Variants in MCTP1 observed in about 807,000 individuals in gnomAD.
The protein encoded by MCTP1 is multiple C2 and transmembrane domain-containing protein 1.
MCTP1 carries 69 observed loss-of-function variants against 120.6 expected under a neutral mutation model. The observed-to-expected ratio is 0.57, with a 90% CI of 0.47 to 0.70. MCTP1 has a LOEUF of 0.70. MCTP1 is among the 30% of genes least tolerant of loss of function. The pLI, the probability that MCTP1 is intolerant of heterozygous loss-of-function variation, is 0.00. For synonymous variants in MCTP1, 529 were observed against 493.1 expected (o/e 1.07, Z -0.96); for missense variants, 1,203 against 1,248.8 (o/e 0.96, Z 0.55).
Position 94,854,122 on chromosome 5 carries a change from A to C in MCTP1, c.2436+14211T>G, listed in dbSNP as rs10066694. Among the ~76,000 whole-genome samples the C allele has an allele frequency of 4.9e-3, 743 of 151,994 alleles. 5 individuals are homozygous for C. The highest frequency in any genetic ancestry group is 0.017 in the African/African-American group (720 of 41,530). ...CTAGAGACACTTCATCTGTTGCATAATGGGCCTTTACCATAGATTATTTCT... is the reference window on the plus strand; with the variant it reads ...CTAGAGACACTTCATCTGTTGCATACTGGGCCTTTACCATAGATTATTTCT... On this transcript the variant is annotated intron_variant, in intron 17 of 22. Transcript: ENST00000515393.
At chr5:95,271,338 C>G (rs1462423258) in intron 1 of MCTP1, among the ~76,000 whole-genome samples, 1 of 152,188 alleles carries the variant, frequency 6.6e-6, no homozygotes, top group Non-Finnish European at 1.5e-5. Context: ...TCTGCTGTCT[C>G]AGATCCATTT....
At chr5:94,977,762 A>G (rs1016038177) in intron 2 of MCTP1, among the ~76,000 whole-genome samples, 3 of 152,190 alleles carry the variant, frequency 2.0e-5, no homozygotes, top group African/African-American at 7.2e-5. Flanking sequence ...TCACATGCAG[A>G]ATAATGAAAC....
At chr5:95,154,107 G>C (rs1200079080) in intron 1 of MCTP1, 2 of 152,218 alleles carry the variant, frequency 1.3e-5, no homozygotes, top group Non-Finnish European at 2.9e-5. Flanking sequence ...GGAAGCCTTT[G>C]AGTTGGTGGT....
intron 1 of MCTP1, among the ~76,000 whole-genome samples, chr5:95,129,244 T>A (rs915385700): frequency 6.6e-6 from 1 of 152,220 alleles, no homozygotes; most frequent in African/African-American, 2.4e-5. Flanking sequence ...GTTATTGTAT[T>A]TTTATTTTTC....
chr5:95,271,031 T>C (rs568772507), intron 1 of MCTP1, among the ~76,000 whole-genome samples: 2 of 152,234 alleles, frequency 1.3e-5, no homozygotes, highest in South Asian at 4.1e-4. Flanking sequence ...AATATTTTCA[T>C]GTACACGTAT....
intron 2 of MCTP1, among the ~76,000 whole-genome samples, chr5:94,963,281 G>T (rs1169150923): frequency 6.6e-6 from 1 of 151,164 alleles, no homozygotes; most frequent in Non-Finnish European, 1.5e-5. Flanking sequence ...TGCAGATATC[G>T]CTACTAGATC....
chr5:94,828,607 A>G (rs1162840084), intron 17 of MCTP1, among the ~76,000 whole-genome samples: 1 of 152,172 alleles, frequency 6.6e-6, no homozygotes, highest in African/African-American at 2.4e-5. Context: ...TTTTATCTAT[A>G]AGCCCCTGAC....
intron 19 of MCTP1, among the ~76,000 whole-genome samples, chr5:94,769,027 A>G (rs907260173): frequency 6.6e-6 from 1 of 152,198 alleles, no homozygotes; most frequent in Non-Finnish European, 1.5e-5. Context: ...AATGTGGTAC[A>G]TATGTACCCA....
intron 1 of MCTP1, among the ~76,000 whole-genome samples, chr5:95,069,284 A>G (rs1300969535): frequency 6.6e-6 from 1 of 152,216 alleles, no homozygotes; most frequent in Non-Finnish European, 1.5e-5. Context: ...TAGCATAAAC[A>G]TTTGTACGTA....
intron 19 of MCTP1, among the ~76,000 whole-genome samples, chr5:94,733,180 A>G (rs1763456170): frequency 6.6e-6 from 1 of 152,218 alleles, no homozygotes; most frequent in African/African-American, 2.4e-5. Flanking sequence ...TTTTAATGCA[A>G]CTGAAGTCAG....
chr5:95,228,726 C>T (rs1356804643), intron 1 of MCTP1, among the ~76,000 whole-genome samples: 2 of 152,160 alleles, frequency 1.3e-5, no homozygotes, highest in Non-Finnish European at 2.9e-5. Flanking sequence ...GCACCATCCT[C>T]CTTGGTACCG....
At chr5:94,748,957 C>T (rs1767572211) in intron 19 of MCTP1, among the ~76,000 whole-genome samples, 1 of 152,212 alleles carries the variant, frequency 6.6e-6, no homozygotes, top group Non-Finnish European at 1.5e-5. Flanking sequence ...GATGAGCTGA[C>T]ACTAGAAGGT....
At chr5:94,718,639 C>T (rs1469814086) in intron 19 of MCTP1, among the ~76,000 whole-genome samples, 1 of 152,070 alleles carries the variant, frequency 6.6e-6, no homozygotes, top group Non-Finnish European at 1.5e-5. Flanking sequence ...TATCCAGAAT[C>T]TACAAGAACT....
chr5:94,851,764 AG>A (rs1793777825), intron 17 of MCTP1, among the ~76,000 whole-genome samples: 1 of 152,012 alleles, frequency 6.6e-6, no homozygotes, highest in South Asian at 2.1e-4. Flanking sequence ...TCTGATTTAT[AG>A]ACAACTGTAC....
intron 2 of MCTP1, 67 bp downstream of exon 2, chr5:95,017,300 G>A (rs775075555): frequency 8.0e-6 from 7 of 875,296 alleles, no homozygotes; most frequent in South Asian, 3.9e-5. Flanking sequence ...AGGCAATCAC[G>A]TGGAAAACAA....
At position 94,890,270 on chromosome 5, in the gene MCTP1, G is replaced by T. The variant is rs145409150; in HGVS notation, c.1840-1298C>A. Among the ~76,000 whole-genome samples the T allele has an allele frequency of 3.3e-3, 507 of 152,256 alleles. 4 individuals carry two copies. Among genetic ancestry groups the T allele is most frequent in the Non-Finnish European group, 5.7e-3 (387 of 68,018 alleles). ...ATCCTCCAGCCTTGGCTCCCAAAGT[G>T]TTGGGATTACAGGCATGAACCACCA... On this transcript the variant is annotated intron_variant, in intron 11 of 22. Transcript: ENST00000515393.
intron 1 of MCTP1, among the ~76,000 whole-genome samples, chr5:95,070,594 C>T (rs1468266669): frequency 6.6e-6 from 1 of 152,344 alleles, no homozygotes; most frequent in South Asian, 2.1e-4. Flanking sequence ...CAAATCCAAG[C>T]ACTACTCCTG....
At chr5:95,244,470 C>A (rs1453594136) in intron 1 of MCTP1, among the ~76,000 whole-genome samples, 1 of 152,228 alleles carries the variant, frequency 6.6e-6, no homozygotes, top group Non-Finnish European at 1.5e-5. Context: ...TGGTACACTA[C>A]TGACCAAATA....
intron 2 of MCTP1, among the ~76,000 whole-genome samples, chr5:95,001,388 C>G (rs989309241): frequency 2.6e-5 from 4 of 152,134 alleles, no homozygotes; most frequent in African/African-American, 9.7e-5. Flanking sequence ...CCGAAGAAGA[C>G]AGGAAAATGT....
Sources: gnomAD v4.1 joint callset for allele counts (sites outside exome capture counted in the v4.1 genomes callset) on GRCh38, gnomAD v4.1.1 for gene constraint, MANE v1.5 for transcripts, NCBI Gene and HGNC (gene_info 2026-07-23, HGNC 2026-07-21) for gene names.